Variants in CSRNP3 observed in about 807,000 individuals in gnomAD.
CSRNP3 encodes cysteine and serine rich nuclear protein 3.
CSRNP3 carries 12 observed loss-of-function variants against 48.0 expected under a neutral mutation model. The ratio of observed to expected loss-of-function variants is 0.25; its 90% CI spans 0.16 to 0.41. CSRNP3 has a LOEUF of 0.41. Among genes scored for constraint, CSRNP3 ranks in the 10% least tolerant of loss-of-function variants. The probability of loss-of-function intolerance (pLI) is 1.00; values close to 1 mark genes in which losing one functional copy is unlikely to be tolerated. For missense variants in CSRNP3, 580 were observed against 724.4 expected, an observed-to-expected ratio of 0.80 and a Z score of 2.29; for synonymous variants, 263 against 269.7, an observed-to-expected ratio of 0.98 and a Z score of 0.24.
chr2:165,570,595 T>TTA (rs1553475849), intron 3 of CSRNP3, among the ~76,000 whole-genome samples: 4 of 143,960 alleles, frequency 2.8e-5, no homozygotes, highest in African/African-American at 1.0e-4. Flanking sequence ...AGTAATGCAG[T>TTA]AAAAAAAAAA....
chr2:165,678,986 C>A lies in CSRNP3; in HGVS notation c.991C>A (p.Gln331Lys). 1 of 1,613,964 alleles carries A rather than the reference C, an allele frequency of 6.2e-7. No individual in the cohort carries two copies. The highest frequency in any genetic ancestry group is 8.5e-7 in the Non-Finnish European group (1 of 1,179,996). ...GCCCCAGGCTGCAGTGCTGCACCTG[C>A]AGTCGGCTGAAGAATTAGATTGCCA... ...TEPQAAVLHL[Q>K]SAEELDCQGE... Residue 331 changes from glutamine (Q) to lysine (K), a missense_variant, in exon 7 of 7, where the codon CAG becomes AAG. Gln to Lys is a moderately conservative substitution (Grantham distance 53). Coordinates refer to ENST00000651982, the MANE Select transcript of CSRNP3 (RefSeq NM_001172173.2).
intron 2 of CSRNP3, among the ~76,000 whole-genome samples, chr2:165,514,106 A>C (rs1167247276): frequency 1.3e-5 from 2 of 152,240 alleles, no homozygotes; most frequent in Non-Finnish European, 2.9e-5. Context: ...TTGAAGACAA[A>C]TGATGTTATA....
chr2:165,531,006 A>G (rs934210066), intron 3 of CSRNP3, among the ~76,000 whole-genome samples: 2 of 152,042 alleles, frequency 1.3e-5, no homozygotes, highest in Non-Finnish European at 2.9e-5. Context: ...TAAAAGCTTT[A>G]ATTAATATGC....
intron 2 of CSRNP3, among the ~76,000 whole-genome samples, chr2:165,499,539 A>G (rs553103593): frequency 6.6e-6 from 1 of 152,266 alleles, no homozygotes; most frequent in East Asian, 1.9e-4. Context: ...AGGAATTTGT[A>G]AATACGCTGG....
At chr2:165,538,235 C>T (rs998084891) in intron 3 of CSRNP3, among the ~76,000 whole-genome samples, 4 of 151,946 alleles carry the variant, frequency 2.6e-5, no homozygotes, top group Non-Finnish European at 5.9e-5. Flanking sequence ...ATTCCCATGA[C>T]ACTTTGTATA....
intron 1 of CSRNP3, among the ~76,000 whole-genome samples, chr2:165,482,218 T>C (rs1372958907): frequency 1.3e-5 from 2 of 151,896 alleles, no homozygotes; most frequent in Non-Finnish European, 2.9e-5. Flanking sequence ...ATGGTGAAAC[T>C]GGGTTTTGAA....
chr2:165,541,616 T>G (rs1684958568), intron 3 of CSRNP3, among the ~76,000 whole-genome samples: 1 of 152,116 alleles, frequency 6.6e-6, no homozygotes, highest in South Asian at 2.1e-4. Context: ...AAAGGTGAAT[T>G]AGATAATCTC....
chr2:165,473,211 T>C (rs1683916437), intron 1 of CSRNP3, among the ~76,000 whole-genome samples: 1 of 152,194 alleles, frequency 6.6e-6, no homozygotes, highest in Non-Finnish European at 1.5e-5. Flanking sequence ...TGCTTCTTTC[T>C]TTGCTAAACG....
At chr2:165,499,517 CT>C (rs983683198) in intron 2 of CSRNP3, among the ~76,000 whole-genome samples, 3 of 152,074 alleles carry the variant, frequency 2.0e-5, no homozygotes, top group African/African-American at 7.2e-5. Flanking sequence ...AGAAATCCTT[CT>C]TTTTTGTTTA....
At position 165,550,556 on chromosome 2, in the gene CSRNP3, C is replaced by T. The variant is rs535132687; in HGVS notation, c.-24+32595C>T. On this transcript the variant is annotated intron_variant, in intron 3 of 6. Transcript: ENST00000651982. The stretch of plus-strand genomic sequence containing the variant: ...ATAAATGTGAACTAAAATATGCTTA[C>T]GTTGTTCCTGTTGACAACAGAGCAA... Among the ~76,000 whole-genome samples, 4 of 152,288 alleles carry T rather than the reference C, an allele frequency of 2.6e-5. No homozygotes were observed. The South Asian group carries it at 6.2e-4, about 24-fold the overall frequency.
intron 4 of CSRNP3, among the ~76,000 whole-genome samples, chr2:165,600,322 C>A (rs1685893377): frequency 6.7e-6 from 1 of 149,498 alleles, no homozygotes; most frequent in South Asian, 2.2e-4. Context: ...TTTTCTTAAT[C>A]CAGTCCATCA....
chr2:165,646,820 A>ACAGAAAAAG, intron 4 of CSRNP3, among the ~76,000 whole-genome samples: 1 of 152,310 alleles, frequency 6.6e-6, no homozygotes, highest in South Asian at 2.1e-4. Context: ...ATTTATGTTT[A>ACAGAAAAAG]GTAACAACTA....
intron 2 of CSRNP3, among the ~76,000 whole-genome samples, chr2:165,509,695 G>A (rs1037319418): frequency 4.6e-5 from 7 of 152,172 alleles, no homozygotes; most frequent in African/African-American, 1.4e-4. Flanking sequence ...TTCCCCCAGT[G>A]TTAACCTCTT....
chr2:165,538,688 A>T (rs1329908798), intron 3 of CSRNP3, among the ~76,000 whole-genome samples: 1 of 151,934 alleles, frequency 6.6e-6, no homozygotes, highest in Non-Finnish European at 1.5e-5. Flanking sequence ...TAATAGAAAT[A>T]GATATTCTAT....
At chr2:165,666,188 G>T (rs1167003086) in intron 5 of CSRNP3, among the ~76,000 whole-genome samples, 1 of 120,976 alleles carries the variant, frequency 8.3e-6, no homozygotes, top group African/African-American at 3.2e-5. Context: ...GGAAGGAAGG[G>T]AGGAAAGAGA....
At chr2:165,516,554 A>T (rs192340643) in intron 2 of CSRNP3, among the ~76,000 whole-genome samples, 5 of 152,300 alleles carry the variant, frequency 3.3e-5, no homozygotes, top group Admixed American at 2.6e-4. Flanking sequence ...ACTTCAAAAC[A>T]TGTTGTAAAT....
At chr2:165,606,410 A>G (rs919823002) in intron 4 of CSRNP3, among the ~76,000 whole-genome samples, 1 of 151,750 alleles carries the variant, frequency 6.6e-6, no homozygotes, top group Non-Finnish European at 1.5e-5. Flanking sequence ...TGAGCAGATA[A>G]TACACAGAAA....
At chr2:165,615,026 G>A (rs1225676213) in intron 4 of CSRNP3, among the ~76,000 whole-genome samples, 1 of 152,130 alleles carries the variant, frequency 6.6e-6, no homozygotes, top group Admixed American at 6.5e-5. Flanking sequence ...AAAAGAAAGT[G>A]TATTCTTCAG....
At chr2:165,546,617 G>A (rs1400229488) in intron 3 of CSRNP3, among the ~76,000 whole-genome samples, 1 of 152,090 alleles carries the variant, frequency 6.6e-6, no homozygotes, top group Non-Finnish European at 1.5e-5. Context: ...CTATTTTCTG[G>A]GGGTTTTATT....
Sources: allele counts gnomAD v4.1 joint callset (sites outside exome capture counted in the v4.1 genomes callset), GRCh38; gene constraint gnomAD v4.1.1; transcripts MANE v1.5; gene names NCBI Gene and HGNC (gene_info 2026-07-23, HGNC 2026-07-21).